Variants in MCF2L observed in about 807,000 individuals in gnomAD.
MCF2L encodes the protein MCF.2 cell line derived transforming sequence like, also known as guanine nucleotide exchange factor DBS.
Under a neutral mutation model 153.4 loss-of-function variants are expected in MCF2L, and 97 were observed. The ratio of observed to expected loss-of-function variants is 0.63; its 90% CI spans 0.54 to 0.75. The LOEUF (loss-of-function observed/expected upper bound fraction) is 0.75, where lower values mean the gene tolerates loss of function less well. Among genes scored for constraint, MCF2L ranks in the 30% least tolerant of loss-of-function variants. The pLI, the probability that MCF2L is intolerant of heterozygous loss-of-function variation, is 0.00. For synonymous variants in MCF2L, 659 were observed against 632.2 expected (o/e 1.04, Z -0.64); for missense variants, 1,347 against 1,495.2 (o/e 0.90, Z 1.64).
chr13:113,085,266 C>T, intron 20 of MCF2L, 88 bp downstream of exon 20: 1 of 1,112,280 alleles, frequency 9.0e-7, no homozygotes, highest in Non-Finnish European at 1.3e-6. Flanking sequence ...CCCATCGCGC[C>T]CTGCCCCTCC....
At chr13:112,981,246 C>G (rs1257570197) in intron 1 of MCF2L, among the ~76,000 whole-genome samples, 2 of 152,190 alleles carry the variant, frequency 1.3e-5, no homozygotes, top group African/African-American at 4.8e-5. Context: ...ATAAGGACCC[C>G]CAAGATGTCT....
At chr13:113,066,713 C>T (rs540158722) in intron 8 of MCF2L, among the ~76,000 whole-genome samples, 86 of 151,866 alleles carry the variant, frequency 5.7e-4, no homozygotes, top group South Asian at 1.9e-3. Context: ...GAGAACTCCC[C>T]GAGCCTCCCC....
chr13:113,056,167 C>T (rs1174619413), intron 4 of MCF2L, among the ~76,000 whole-genome samples: 1 of 152,258 alleles, frequency 6.6e-6, no homozygotes, highest in Non-Finnish European at 1.5e-5. Flanking sequence ...AGGGCAGCCG[C>T]CCAGTGACCG....
intron 4 of MCF2L, among the ~76,000 whole-genome samples, chr13:113,052,242 G>A (rs1370656114): frequency 1.3e-5 from 2 of 152,164 alleles, no homozygotes; most frequent in Non-Finnish European, 2.9e-5. Context: ...CAGAGAAAAA[G>A]AAAGAGCTCT....
rs2086082226 is a variant in MCF2L, at chr13:113,035,262, T to C, written c.279-10009T>C. 6.6e-6 allele frequency among the ~76,000 whole-genome samples: 1 copy of C among 152,216 alleles called. No homozygotes were observed. Among genetic ancestry groups the C allele is most frequent in the Non-Finnish European group, 1.5e-5 (1 of 68,034 alleles). On this transcript the variant is annotated intron_variant, in intron 3 of 29. Transcript: ENST00000535094. The surrounding 1 kb of genome is among the most constrained non-coding windows in gnomAD (Gnocchi z 4.4). The stretch of plus-strand genomic sequence containing the variant: ...TTTTTGTGTCCTGCTGTAACTACCA[T>C]GTAGTGCACTTATGAATCGTGCATA...
At chr13:112,976,524 G>A (rs570870633) in intron 1 of MCF2L, among the ~76,000 whole-genome samples, 1 of 152,302 alleles carries the variant, frequency 6.6e-6, no homozygotes, top group South Asian at 2.1e-4. Context: ...CTCTGGGCTC[G>A]GCCTTCAGGT....
intron 2 of MCF2L, chr13:112,957,072 C>G (rs1197598999): frequency 6.6e-6 from 1 of 150,546 alleles, no homozygotes; most frequent in Non-Finnish European, 1.5e-5. Context: ...GTGTGCAGAG[C>G]CTTATTTACA....
intron 26 of MCF2L, chr13:113,090,321 C>T (rs2035083417): frequency 8.3e-7 from 1 of 1,207,902 alleles, no homozygotes; most frequent in Non-Finnish European, 1.1e-6. Flanking sequence ...CGCACAGACA[C>T]CAGAGTTATT....
At chr13:113,086,074 G>A (rs761048047) in intron 20 of MCF2L, 50 bp from the exon 21 acceptor site, 5 of 1,570,052 alleles carry the variant, frequency 3.2e-6, no homozygotes, top group Non-Finnish European at 4.3e-6. Context: ...TTCCAGGGGA[G>A]CCAGGGCTCT....
intron 2 of MCF2L, among the ~76,000 whole-genome samples, chr13:112,955,721 C>T (rs767979086): frequency 2.6e-5 from 4 of 152,172 alleles, no homozygotes; most frequent in South Asian, 2.1e-4. Flanking sequence ...AGAGCCCCTG[C>T]GCTCAGCATT....
chr13:112,923,631 G>GT (rs2081375782), intron 2 of MCF2L, among the ~76,000 whole-genome samples: 1 of 151,926 alleles, frequency 6.6e-6, no homozygotes, highest in East Asian at 1.9e-4. Context: ...CAAATTGTTT[G>GT]TTTTTTGCCA....
At chr13:113,052,247 A>G (rs975763855) in intron 4 of MCF2L, among the ~76,000 whole-genome samples, 1 of 152,202 alleles carries the variant, frequency 6.6e-6, no homozygotes. Flanking sequence ...AAAAAGAAAG[A>G]GCTCTGAGAC....
In MCF2L at chr13:112,951,125, G is replaced by A. The variant is rs1400066559; in HGVS notation, c.169+48754G>A. Among the ~76,000 whole-genome samples the A allele has an allele frequency of 6.6e-6, 1 of 152,212 alleles. No individual in the cohort carries two copies. The highest frequency in any genetic ancestry group is 1.5e-5 in the Non-Finnish European group (1 of 68,042). ...GCACACGGAAAGGTGTCAGTCAATA[G>A]TAGCCAGTGGAGAAGTGCAAGACCT... On this transcript the variant is annotated intron_variant, in intron 2 of 29. Transcript: ENST00000375608. The surrounding 1 kb of genome is among the most constrained non-coding windows in gnomAD (Gnocchi z 4.8).
chr13:113,052,854 TAGACACATACAC>T (rs946114929), intron 4 of MCF2L: 7 of 151,782 alleles, frequency 4.6e-5, no homozygotes, highest in Admixed American at 3.9e-4. Flanking sequence ...ACACATCACA[TAGACACATACAC>T]AGACACACAC....
chr13:112,999,946 G>A (rs1023167321), intron 1 of MCF2L, among the ~76,000 whole-genome samples: 12 of 95,376 alleles, frequency 1.3e-4, no homozygotes, highest in Non-Finnish European at 2.3e-4. Context: ...TGAAGACACC[G>A]GAGGGCCCCA....
chr13:113,078,703 C>T lies in MCF2L; in HGVS notation c.1772C>T (p.Ala591Val), dbSNP rs535420300. Residue 591 changes from alanine to valine, a missense_variant, in exon 15 of 30, where the codon GCG (alanine) becomes GTG (valine). Physicochemically the swap from Ala to Val is moderately conservative, Grantham distance 64 (BLOSUM62 0). Coordinates refer to ENST00000535094, the MANE Select transcript of MCF2L (RefSeq NM_001112732.3). The stretch of plus-strand genomic sequence containing the variant: ...GAGAGCCGGCAGGGCCGCGGCTCAG[C>T]GGGGGAGGAGGAGGAAAGCCTGGCC... ...MSESRQGRGS[A>V]GEEEESLAIL... 3.5e-5 allele frequency: 56 copies of T among 1,609,984 alleles called. No individual in the cohort carries two copies. The highest frequency in any genetic ancestry group is 1.5e-4 in the South Asian group (14 of 90,754).
At chr13:112,938,310 T>G (rs1391488159) in intron 2 of MCF2L, among the ~76,000 whole-genome samples, 4 of 148,344 alleles carry the variant, frequency 2.7e-5, no homozygotes, top group African/African-American at 5.0e-5. Flanking sequence ...GAGCTCTGAG[T>G]GGTTGATTCA....
At chr13:113,096,020 G>A in intron 27 of MCF2L, 1 of 402,948 alleles carries the variant, frequency 2.5e-6, no homozygotes, top group Non-Finnish European at 4.5e-6. Context: ...ACCAAGGAAG[G>A]CCTCAGCAAA....
At chr13:112,915,903 A>T (rs1185088529) in intron 2 of MCF2L, among the ~76,000 whole-genome samples, 3 of 152,058 alleles carry the variant, frequency 2.0e-5, no homozygotes, top group Non-Finnish European at 4.4e-5. Flanking sequence ...TTAATTTTTT[A>T]AAAATTAAAA....
Sources: allele counts gnomAD v4.1 joint callset (sites outside exome capture counted in the v4.1 genomes callset), GRCh38; gene constraint gnomAD v4.1.1; non-coding constraint Gnocchi (gnomAD v3.1); transcripts MANE v1.5; gene names NCBI Gene and HGNC (gene_info 2026-07-23, HGNC 2026-07-21).